IGF1R: variants seen among roughly 807,000 people sequenced by gnomAD.
IGF1R encodes insulin like growth factor 1 receptor, also known as insulin-like growth factor 1 receptor.
Under a neutral mutation model 144.6 loss-of-function variants are expected in IGF1R, and 44 were observed. That is an observed-to-expected ratio of 0.30 (90% CI 0.24 to 0.39). The LOEUF (loss-of-function observed/expected upper bound fraction) is 0.39, where lower values mean the gene tolerates loss of function less well. Ranked by LOEUF, IGF1R falls within the 10% of genes least tolerant of loss-of-function variation. IGF1R has a pLI of 1.00. For synonymous variants in IGF1R, 795 were observed against 722.8 expected, an observed-to-expected ratio of 1.10 and a Z score of -1.60; for missense variants, 1,355 against 1,833.7, an observed-to-expected ratio of 0.74 and a Z score of 4.77.
rs138634413 is a variant in IGF1R, at chr15:98,778,078, C to G, written c.640+69971C>G. 3.9e-5 allele frequency among the ~76,000 whole-genome samples: 6 copies of G among 152,288 alleles called. No homozygotes were observed. The East Asian group carries it at 1.2e-3, about 29-fold the overall frequency. On this transcript the variant is annotated intron_variant, in intron 2 of 20. Transcript: ENST00000650285. ...TAATAAGAACAGGTTCTAGACTAAT[C>G]TTTTAGGGGGTGAGGATAGAACAGA...
intron 2 of IGF1R, among the ~76,000 whole-genome samples, chr15:98,767,469 A>G (rs2055462844): frequency 6.6e-6 from 1 of 152,152 alleles, no homozygotes; most frequent in African/African-American, 2.4e-5. Flanking sequence ...CCTCTTCGTC[A>G]TATTTTGGAA....
At chr15:98,803,758 G>A (rs1421840696) in intron 2 of IGF1R, among the ~76,000 whole-genome samples, 1 of 152,024 alleles carries the variant, frequency 6.6e-6, no homozygotes, top group Non-Finnish European at 1.5e-5. Flanking sequence ...CACCCGCCTC[G>A]GCCTCCCAAA....
intron 9 of IGF1R, 116 bp from the exon 10 acceptor site, chr15:98,916,556 C>T (rs1286639834): frequency 1.0e-5 from 10 of 961,970 alleles, no homozygotes; most frequent in South Asian, 5.4e-5. Context: ...GCCACCACAT[C>T]TGGCCGAGAC....
intron 2 of IGF1R, among the ~76,000 whole-genome samples, chr15:98,719,697 TCTG>T (rs2054202359): frequency 6.6e-6 from 1 of 152,190 alleles, no homozygotes; most frequent in Non-Finnish European, 1.5e-5. Context: ...TCCTGTGTCT[TCTG>T]CTCATTGTGA....
At chr15:98,650,874 G>T (rs1295767935) in intron 1 of IGF1R, 1 of 981,092 alleles carries the variant, frequency 1.0e-6, no homozygotes. Context: ...TGTTTTGGTG[G>T]TGTCGGGTGG....
chr15:98,677,652 T>C (rs2053082342), intron 1 of IGF1R, among the ~76,000 whole-genome samples: 1 of 152,214 alleles, frequency 6.6e-6, no homozygotes, highest in Admixed American at 6.5e-5. Context: ...AGCCTGTGGC[T>C]TTTGTCCTCG....
rs2056069008 is a variant in IGF1R, at chr15:98,788,948, C to T, written c.640+80841C>T. 5.9e-5 allele frequency among the ~76,000 whole-genome samples: 9 copies of T among 151,978 alleles called. No individual in the cohort carries two copies. In the South Asian group the frequency reaches 1.9e-3, roughly 32 times the overall value. ...TGAAAGCAAATGAAGAATTTTTATG[C>T]TCCATAGTCAGTCAAACATTGATTT... On this transcript the variant is annotated intron_variant, in intron 2 of 20. Coordinates refer to ENST00000650285, the MANE Select transcript of IGF1R (RefSeq NM_000875.5).
chr15:98,958,039 C>G lies in IGF1R; in HGVS notation c.*597C>G, dbSNP rs1428220192. On this transcript the variant is annotated 3_prime_UTR_variant, in exon 21 of 21. Coordinates refer to ENST00000650285, the MANE Select transcript of IGF1R (RefSeq NM_000875.5). ...AACGCTGCCTAATTTTGCCAAAATC[C>G]TGAACTTTCTCCCTCATCGGCCCGG... 4.3e-6 allele frequency: 1 copy of G among 234,132 alleles called. No individual in the cohort carries two copies. Among genetic ancestry groups the G allele is most frequent in the Admixed American group, 5.6e-5 (1 of 17,878 alleles). The allele number at this position is 234,132 out of a possible 1,614,324, so 14.5% of individuals were successfully genotyped here. A position where few individuals can be genotyped will look rare whatever the true frequency, so the allele number is the denominator to read the frequency against.
At chr15:98,820,776 G>A (rs2141477710) in intron 2 of IGF1R, 1 of 152,270 alleles carries the variant, frequency 6.6e-6, no homozygotes, top group Admixed American at 6.5e-5. Context: ...GTAATATTTT[G>A]CTAAAAGTAA....
intron 2 of IGF1R, among the ~76,000 whole-genome samples, chr15:98,788,955 G>T (rs1341012094): frequency 6.6e-6 from 1 of 151,878 alleles, no homozygotes; most frequent in Non-Finnish European, 1.5e-5. Context: ...ATGCTCCATA[G>T]TCAGTCAAAC....
At position 98,963,814 on chromosome 15, in the gene IGF1R, C is replaced by T. The variant is rs975485339; in HGVS notation, c.*6372C>T. The stretch of plus-strand genomic sequence containing the variant: ...TACAGAAAAGAATTTTTAATAAAAA[C>T]TATAACATACACAAAAATTGGTTTT... On this transcript the variant is annotated 3_prime_UTR_variant, in exon 21 of 21. Coordinates refer to ENST00000650285, the MANE Select transcript of IGF1R (RefSeq NM_000875.5). 1.3e-5 allele frequency: 3 copies of T among 232,844 alleles called. No individual in the cohort carries two copies. Among genetic ancestry groups the T allele is most frequent in the African/African-American group, 6.6e-5 (3 of 45,328 alleles). The allele number at this position is 232,844 out of a possible 1,614,324, so 14.4% of individuals were successfully genotyped here. A position where few individuals can be genotyped will look rare whatever the true frequency, so the allele number is the denominator to read the frequency against.
chr15:98,754,301 A>G (rs192673265), intron 2 of IGF1R, among the ~76,000 whole-genome samples: 3 of 152,088 alleles, frequency 2.0e-5, no homozygotes, highest in African/African-American at 7.2e-5. Flanking sequence ...GAACCTGAGG[A>G]TTTGGAAGTA....
At chr15:98,651,025 C>T in intron 1 of IGF1R, 8 of 985,284 alleles carry the variant, frequency 8.1e-6, no homozygotes, top group Non-Finnish European at 8.4e-6. Context: ...GTAATTTGAA[C>T]ACGATTAAAA....
At chr15:98,928,949 A>G (rs961209025) in intron 13 of IGF1R, among the ~76,000 whole-genome samples, 1 of 152,160 alleles carries the variant, frequency 6.6e-6, no homozygotes, top group Non-Finnish European at 1.5e-5. Flanking sequence ...CTGTGGAACT[A>G]TCTCAAAGAT....
Position 98,926,723 on chromosome 15 carries a change from C to G in IGF1R, c.2782+2039C>G, listed in dbSNP as rs145852438. Reference sequence around the variant, plus strand: ...GTGAATAGAACTGCAAATCTTGAGCCAACATTTTATGTGCCTGGCACTGTT... The same window carrying G: ...GTGAATAGAACTGCAAATCTTGAGCGAACATTTTATGTGCCTGGCACTGTT... On this transcript the variant is annotated intron_variant, in intron 13 of 20. Transcript: ENST00000650285. Among the ~76,000 whole-genome samples the G allele has an allele frequency of 7.6e-3, 1,155 of 152,272 alleles. 8 individuals carry two copies. The highest frequency in any genetic ancestry group is 0.031 in the Middle Eastern group (9 of 294).
chr15:98,759,704 T>C (rs2055245045), intron 2 of IGF1R, among the ~76,000 whole-genome samples: 3 of 152,070 alleles, frequency 2.0e-5, no homozygotes, highest in South Asian at 2.1e-4. Flanking sequence ...TCAGATAGAG[T>C]TGAATATTTT....
chr15:98,865,422 T>C (rs1021186473), intron 2 of IGF1R, among the ~76,000 whole-genome samples: 1 of 152,180 alleles, frequency 6.6e-6, no homozygotes, highest in Non-Finnish European at 1.5e-5. Context: ...GCTGGGCTCC[T>C]GCAGCCGCCA....
chr15:98,927,900 T>G (rs1396358979), intron 13 of IGF1R, among the ~76,000 whole-genome samples: 1 of 152,168 alleles, frequency 6.6e-6, no homozygotes, highest in Non-Finnish European at 1.5e-5. Flanking sequence ...ACATCTGTAT[T>G]TGGACGTCCC....
intron 19 of IGF1R, among the ~76,000 whole-genome samples, chr15:98,948,285 A>G (rs1027299447): frequency 1.3e-5 from 2 of 152,168 alleles, no homozygotes; most frequent in Non-Finnish European, 2.9e-5. Context: ...TCTGCGTTCA[A>G]AGCACAGATC....
Sources: allele counts gnomAD v4.1 joint callset (sites outside exome capture counted in the v4.1 genomes callset), GRCh38; gene constraint gnomAD v4.1.1; transcripts MANE v1.5; gene names NCBI Gene and HGNC (gene_info 2026-07-23, HGNC 2026-07-21).